The following WWOX variants were observed in gnomAD, a reference collection of about 807,000 sequenced individuals.
The protein encoded by WWOX is WW domain-containing oxidoreductase.
Under a neutral mutation model 46.2 loss-of-function variants are expected in WWOX, and 69 were observed. The ratio of observed to expected loss-of-function variants is 1.49; its 90% CI spans 1.23 to 1.82. The LOEUF (loss-of-function observed/expected upper bound fraction) is 1.82. Ranked by LOEUF, WWOX falls within the 40% of genes most tolerant of loss-of-function variation. The pLI, the probability that WWOX is intolerant of heterozygous loss-of-function variation, is 0.00. For missense variants in WWOX, 919 were observed against 542.6 expected (o/e 1.69, Z -6.89); for synonymous variants, 359 against 202.6 (o/e 1.77, Z -6.56).
chr16:78,318,848 C>G (rs1246020803), intron 5 of WWOX, among the ~76,000 whole-genome samples: 2 of 152,122 alleles, frequency 1.3e-5, no homozygotes, highest in African/African-American at 2.4e-5. Context: ...GTACAGGATC[C>G]AAACCAGGAA....
At chr16:79,079,701 G>T (rs926845165) in intron 8 of WWOX, among the ~76,000 whole-genome samples, 1 of 152,100 alleles carries the variant, frequency 6.6e-6, no homozygotes, top group African/African-American at 2.4e-5. Context: ...GATTGTAATT[G>T]TGATTACAAC....
chr16:79,068,037 C>T (rs189757432), intron 8 of WWOX, among the ~76,000 whole-genome samples: 41 of 152,086 alleles, frequency 2.7e-4, no homozygotes, highest in Non-Finnish European at 4.1e-4. Flanking sequence ...TTGCCTTGGC[C>T]ATGGTCAGTC....
At chr16:79,157,858 G>C (rs1480136648) in intron 8 of WWOX, among the ~76,000 whole-genome samples, 3 of 152,196 alleles carry the variant, frequency 2.0e-5, no homozygotes. Context: ...AAGTAGACTA[G>C]GGTTTGAGTA....
In WWOX at chr16:79,212,521, A is replaced by C. The variant is rs1471416254; in HGVS notation, c.*725A>C. ...GAAGCGTATATACTTAAGAATACAC[A>C]GGATATTTTGGGGGGCAGAGAATAA... On this transcript the variant is annotated 3_prime_UTR_variant, in exon 9 of 9. Coordinates refer to ENST00000566780, the MANE Select transcript of WWOX (RefSeq NM_016373.4). 5.6e-6 allele frequency: 1 copy of C among 177,656 alleles called. No homozygotes were observed. The highest frequency in any genetic ancestry group is 1.2e-5 in the Non-Finnish European group (1 of 82,276). The allele number at this position is 177,656 out of a possible 1,614,324, so 11.0% of individuals were successfully genotyped here.
At chr16:78,731,389 C>G (rs2048965594) in intron 8 of WWOX, among the ~76,000 whole-genome samples, 2 of 152,152 alleles carry the variant, frequency 1.3e-5, no homozygotes, top group Non-Finnish European at 2.9e-5. Context: ...AAGATGCACA[C>G]TAATACTACG....
chr16:78,963,338 G>C (rs1198694766), intron 8 of WWOX, among the ~76,000 whole-genome samples: 3 of 152,150 alleles, frequency 2.0e-5, no homozygotes, highest in Non-Finnish European at 4.4e-5. Flanking sequence ...CCATGGTGGT[G>C]TATGCCTGTG....
intron 8 of WWOX, among the ~76,000 whole-genome samples, chr16:78,700,225 CAG>C (rs1180540227): frequency 6.7e-6 from 1 of 149,006 alleles, no homozygotes; most frequent in African/African-American, 2.5e-5. Context: ...AGTCAGATGT[CAG>C]GGCACCAGCA....
At chr16:78,904,126 T>C (rs2044898489) in intron 8 of WWOX, among the ~76,000 whole-genome samples, 2 of 152,102 alleles carry the variant, frequency 1.3e-5, no homozygotes, top group African/African-American at 4.8e-5. Context: ...TTTGCAGTTA[T>C]TAAACTAGCA....
At chr16:78,421,877 A>C (rs556342903) in intron 6 of WWOX, among the ~76,000 whole-genome samples, 28 of 152,324 alleles carry the variant, frequency 1.8e-4, no homozygotes, top group African/African-American at 6.3e-4. Context: ...GCTTGGAAAC[A>C]GGATTACTTG....
Position 78,473,286 on chromosome 16 carries a change from C to T in WWOX, c.1056+40534C>T, listed in dbSNP as rs111438154. 4.2e-3 allele frequency among the ~76,000 whole-genome samples: 644 copies of T among 152,200 alleles called. 1 individual carries two copies. The highest frequency in any genetic ancestry group is 0.021 in the East Asian group (109 of 5,158). ...CTTGGAGTATAGACACGTGGCACCA[C>T]GCCTGGGTAATTTTTGTAGTTTTAG... On this transcript the variant is annotated intron_variant, in intron 8 of 8. Coordinates refer to ENST00000566780, the MANE Select transcript of WWOX (RefSeq NM_016373.4).
At chr16:78,748,902 A>G (rs1037586249) in intron 8 of WWOX, among the ~76,000 whole-genome samples, 10 of 152,220 alleles carry the variant, frequency 6.6e-5, no homozygotes, top group Admixed American at 2.0e-4. Context: ...AAGCAGCCTG[A>G]CACATGGTCT....
intron 8 of WWOX, among the ~76,000 whole-genome samples, chr16:79,026,790 TTTTTTTTTTTTG>T (rs1288487339): frequency 6.7e-6 from 1 of 148,288 alleles, no homozygotes; most frequent in Non-Finnish European, 1.5e-5. Flanking sequence ...GCTAATTTTT[TTTTTTTTTTTTG>T]GTATTTTTAA....
chr16:78,144,474 T>C (rs113611033), intron 4 of WWOX, among the ~76,000 whole-genome samples: 4 of 34,456 alleles, frequency 1.2e-4, no homozygotes, highest in Admixed American at 4.6e-4. Context: ...CACACATATA[T>C]ATATATATAT....
In WWOX at chr16:78,319,017, G is replaced by A. The variant is rs181957651; in HGVS notation, c.517-67843G>A. On this transcript the variant is annotated intron_variant, in intron 5 of 8. Coordinates refer to ENST00000566780, the MANE Select transcript of WWOX (RefSeq NM_016373.4). ...ATGAAATTCAAGTTACTGATCCTGCGAAGTTAAAATCAGGAGATTACCCAG... is the reference window on the plus strand; with the variant it reads ...ATGAAATTCAAGTTACTGATCCTGCAAAGTTAAAATCAGGAGATTACCCAG... 5.3e-5 allele frequency among the ~76,000 whole-genome samples: 8 copies of A among 152,296 alleles called. No individual in the cohort carries two copies. The South Asian group carries it at 6.2e-4, about 12-fold the overall frequency.
At chr16:78,122,059 A>G (rs754067681) in intron 4 of WWOX, among the ~76,000 whole-genome samples, 8 of 152,086 alleles carry the variant, frequency 5.3e-5, no homozygotes, top group Non-Finnish European at 8.8e-5. Flanking sequence ...CATTTACATA[A>G]CTTTTATACA....
chr16:78,334,721 A>G (rs959494020), intron 5 of WWOX, among the ~76,000 whole-genome samples: 25 of 151,940 alleles, frequency 1.6e-4, no homozygotes, highest in African/African-American at 6.0e-4. Context: ...ACTAAACAAA[A>G]TGCTAACCCA....
At chr16:78,733,028 T>C (rs1184293788) in intron 8 of WWOX, among the ~76,000 whole-genome samples, 1 of 152,186 alleles carries the variant, frequency 6.6e-6, no homozygotes, top group East Asian at 1.9e-4. Flanking sequence ...TTTACCCCTC[T>C]TTGCTTTTAC....
intron 8 of WWOX, among the ~76,000 whole-genome samples, chr16:78,473,990 T>C (rs1335621506): frequency 6.6e-6 from 1 of 152,224 alleles, no homozygotes; most frequent in Non-Finnish European, 1.5e-5. Flanking sequence ...TTGAAATATG[T>C]CATAAAGTTA....
Position 78,419,482 on chromosome 16 carries a change from T to G in WWOX, c.606-5388T>G, listed in dbSNP as rs146192289. On this transcript the variant is annotated intron_variant, in intron 6 of 8. Transcript: ENST00000566780. ...ACTTGAGAGTCCAGAAATGAATCCA[T>G]GCATATTGTGAATTGATTTTCAGCA... Among the ~76,000 whole-genome samples, 1,235 of 152,154 alleles carry G rather than the reference T, an allele frequency of 8.1e-3. 14 individuals are homozygous for G. Among genetic ancestry groups the G allele is most frequent in the South Asian group, 0.018 (88 of 4,816 alleles).
Sources: gnomAD v4.1 joint callset for allele counts (sites outside exome capture counted in the v4.1 genomes callset) on GRCh38, gnomAD v4.1.1 for gene constraint, MANE v1.5 for transcripts, NCBI Gene and HGNC (gene_info 2026-07-23, HGNC 2026-07-21) for gene names.